The following CCDC171 variants were observed in gnomAD, a reference collection of about 807,000 sequenced individuals.
CCDC171 encodes the protein coiled-coil domain-containing protein 171.
In CCDC171, 177 loss-of-function variants were observed where a neutral mutation model predicts 168.2. That is an observed-to-expected ratio of 1.05 (90% CI 0.93 to 1.19). The LOEUF (loss-of-function observed/expected upper bound fraction) is 1.19. CCDC171 is among the 50% of genes most tolerant of loss of function. The probability of loss-of-function intolerance (pLI) is 0.00; values close to 1 mark genes in which losing one functional copy is unlikely to be tolerated. For synonymous variants in CCDC171, 687 were observed against 540.8 expected, an observed-to-expected ratio of 1.27 and a Z score of -3.75; for missense variants, 1,991 against 1,539.0, an observed-to-expected ratio of 1.29 and a Z score of -4.91.
At chr9:15,942,338 T>C (rs1039343535) in intron 25 of CCDC171, among the ~76,000 whole-genome samples, 2 of 151,996 alleles carry the variant, frequency 1.3e-5, no homozygotes, top group Non-Finnish European at 2.9e-5. Context: ...ATGGCTGTAA[T>C]TGGTCTTCTG....
chr9:15,557,650 G>C lies in CCDC171; in HGVS notation c.-112+4348G>C, dbSNP rs184771042. Among the ~76,000 whole-genome samples, 72 of 152,154 alleles carry C rather than the reference G, an allele frequency of 4.7e-4. 1 individual carries two copies. Among genetic ancestry groups the C allele is most frequent in the African/African-American group, 1.6e-3 (68 of 41,528 alleles). On this transcript the variant is annotated intron_variant, in intron 1 of 25. Transcript: ENST00000380701. ...AGGAGATTTTGTGCTGAGACGATGG[G>C]GTTTTCTAAATATACAATCATGTCA...
intron 4 of CCDC171, among the ~76,000 whole-genome samples, chr9:15,582,674 A>G (rs777961960): frequency 6.6e-6 from 1 of 152,092 alleles, no homozygotes; most frequent in Non-Finnish European, 1.5e-5. Context: ...CCACAAACTA[A>G]CACAAGAACA....
intron 23 of CCDC171, among the ~76,000 whole-genome samples, chr9:15,851,240 A>G (rs2061113549): frequency 1.3e-5 from 2 of 152,120 alleles, no homozygotes; most frequent in South Asian, 4.1e-4. Flanking sequence ...ACAGTTGATT[A>G]GATATTATTT....
chr9:15,674,139 A>G (rs1413917011), intron 9 of CCDC171, among the ~76,000 whole-genome samples: 1 of 151,848 alleles, frequency 6.6e-6, no homozygotes, highest in African/African-American at 2.4e-5. Context: ...ATTTGTATAG[A>G]GGTGTTTATA....
At chr9:16,063,140 G>A (rs538230083), downstream of CCDC171, among the ~76,000 whole-genome samples, 43 of 152,248 alleles carry the variant, frequency 2.8e-4, no homozygotes, top group African/African-American at 1.0e-3. Context: ...GGTGGTTTGC[G>A]GAAAGGGGAC....
At position 15,564,102 on chromosome 9, in the gene CCDC171, C is replaced by T. The variant is rs117579945; in HGVS notation, c.14C>T (p.Thr5Ile). 0.011 allele frequency: 18,084 copies of T among 1,606,232 alleles called. 111 individuals are homozygous for T. Among genetic ancestry groups the T allele is most frequent in the Middle Eastern group, 0.036 (217 of 6,036 alleles). ...TTGGAAAACATCATGAATTTGAATA[C>T]TTCAAGTAATACTGGTGATACCCAA... MNLNTSSNTGDTQRL... is the reference protein window; with the variant it reads MNLNISSNTGDTQRL... The change falls in exon 2 of 26, where the codon ACT (threonine) becomes ATT (isoleucine). Residue 5 changes from threonine to isoleucine, a missense_variant. Coordinates refer to ENST00000380701, the MANE Select transcript of CCDC171 (RefSeq NM_173550.4).
the CCDC171 span, among the ~76,000 whole-genome samples, chr9:16,103,843 G>A: frequency 6.6e-6 from 1 of 152,208 alleles, no homozygotes; most frequent in Admixed American, 6.5e-5. Flanking sequence ...CGGGGGGGCT[G>A]GGGGAGAGTC....
chr9:15,915,740 C>G (rs1317957170), intron 24 of CCDC171, among the ~76,000 whole-genome samples: 1 of 152,124 alleles, frequency 6.6e-6, no homozygotes, highest in Admixed American at 6.5e-5. Flanking sequence ...ATAATGTTGG[C>G]TGTTGGTTTG....
In CCDC171 at chr9:15,837,746, C is replaced by A. The variant is rs978848510; in HGVS notation, c.3268-8956C>A. ...TCACTCTCTTTTTCTTTAATTAATA[C>A]AAGTGAAGAGTGGTTAAAAATTATA... On this transcript the variant is annotated intron_variant, in intron 21 of 25. Coordinates refer to ENST00000380701, the MANE Select transcript of CCDC171 (RefSeq NM_173550.4). 7.1e-4 allele frequency among the ~76,000 whole-genome samples: 108 copies of A among 152,092 alleles called. 1 individual carries two copies. The highest frequency in any genetic ancestry group is 2.4e-3 in the African/African-American group (99 of 41,388).
chr9:15,631,186 G>A (rs994985039), intron 7 of CCDC171, among the ~76,000 whole-genome samples: 10 of 151,826 alleles, frequency 6.6e-5, no homozygotes, highest in Non-Finnish European at 2.9e-5. Flanking sequence ...CAGAACTGAA[G>A]GAAATAGAAA....
chr9:15,832,851 A>T lies in CCDC171; in HGVS notation c.3268-13851A>T, dbSNP rs915129409. Among the ~76,000 whole-genome samples the T allele has an allele frequency of 7.4e-4, 112 of 152,240 alleles. 1 individual carries two copies. The highest frequency in any genetic ancestry group is 2.5e-3 in the African/African-American group (103 of 41,542). ...TTCAGTAAGTGTTTTTCTCTTTAAA[A>T]TCCTTTTTTTAACGTTTAAAACTTT... On this transcript the variant is annotated intron_variant, in intron 21 of 25. Coordinates refer to ENST00000380701, the MANE Select transcript of CCDC171 (RefSeq NM_173550.4).
intron 25 of CCDC171, among the ~76,000 whole-genome samples, chr9:15,949,093 T>G (rs1828793479): frequency 6.6e-6 from 1 of 152,086 alleles, no homozygotes; most frequent in African/African-American, 2.4e-5. Context: ...CTTTCCCCAT[T>G]GCTTGTTTTT....
intron 4 of CCDC171, among the ~76,000 whole-genome samples, chr9:16,022,111 C>T (rs1833182767): frequency 6.6e-6 from 1 of 152,092 alleles, no homozygotes; most frequent in Non-Finnish European, 1.5e-5. Context: ...GACACAGTGG[C>T]CATGATTGGC....
chr9:15,970,717 C>T (rs1831266098), intron 25 of CCDC171, among the ~76,000 whole-genome samples: 1 of 152,144 alleles, frequency 6.6e-6, no homozygotes, highest in South Asian at 2.1e-4. Flanking sequence ...TGGATACCAT[C>T]AGTGTTCTCA....
At chr9:16,003,655 C>T (rs1589315864) in intron 3 of CCDC171, among the ~76,000 whole-genome samples, 2 of 152,248 alleles carry the variant, frequency 1.3e-5, no homozygotes, top group East Asian at 3.9e-4. Flanking sequence ...GGGCTTTTTC[C>T]GTGTCATTAT....
chr9:15,665,699 T>C (rs2048686057), intron 8 of CCDC171, among the ~76,000 whole-genome samples: 2 of 152,204 alleles, frequency 1.3e-5, no homozygotes, highest in South Asian at 4.1e-4. Flanking sequence ...GAGGATCACT[T>C]GAGCCCAGGA....
At chr9:15,748,617 C>G (rs571276389) in intron 18 of CCDC171, among the ~76,000 whole-genome samples, 1 of 152,182 alleles carries the variant, frequency 6.6e-6, no homozygotes, top group Non-Finnish European at 1.5e-5. Context: ...AGACTAACAG[C>G]GGATCTCTTA....
At chr9:15,659,078 T>G (rs1438272820) in intron 8 of CCDC171, among the ~76,000 whole-genome samples, 1 of 152,174 alleles carries the variant, frequency 6.6e-6, no homozygotes, top group Non-Finnish European at 1.5e-5. Flanking sequence ...CAATGGTAAG[T>G]TTTGAACATG....
intron 3 of CCDC171, among the ~76,000 whole-genome samples, chr9:15,575,711 A>G (rs2040595903): frequency 6.6e-6 from 1 of 152,242 alleles, no homozygotes; most frequent in Non-Finnish European, 1.5e-5. Flanking sequence ...TGACCCAGCC[A>G]GTCCTCCTTT....
Sources: gnomAD v4.1 joint callset for allele counts (sites outside exome capture counted in the v4.1 genomes callset) on GRCh38, gnomAD v4.1.1 for gene constraint, MANE v1.5 for transcripts, NCBI Gene and HGNC (gene_info 2026-07-23, HGNC 2026-07-21) for gene names.